OR13G1: variants seen among roughly 807,000 people sequenced by gnomAD.
OR13G1 encodes olfactory receptor 13G1.
For synonymous variants in OR13G1, 128 were observed against 136.2 expected, an observed-to-expected ratio of 0.94 and a Z score of 0.42; for missense variants, 369 against 385.7, an observed-to-expected ratio of 0.96 and a Z score of 0.36.
rs188963813 is a variant in OR13G1, at chr1:247,676,715, A to T, written c.-239+2925T>A. Reference sequence around the variant, plus strand: ...ATTTGGTCTTGGATAAAATAATGAAAATACTAACCAAAAACATGAGTGTGA... The same window carrying T: ...ATTTGGTCTTGGATAAAATAATGAATATACTAACCAAAAACATGAGTGTGA... On this transcript the variant is annotated intron_variant, in intron 1 of 1. Transcript: ENST00000642119. 2.1e-3 allele frequency among the ~76,000 whole-genome samples: 316 copies of T among 152,326 alleles called. 1 individual carries two copies. The highest frequency in any genetic ancestry group is 4.6e-3 in the South Asian group (22 of 4,828).
intron 1 of OR13G1, among the ~76,000 whole-genome samples, chr1:247,673,504 A>C (rs1659252043): frequency 6.6e-6 from 1 of 152,110 alleles, no homozygotes; most frequent in African/African-American, 2.4e-5. Context: ...TGTCCTTGAG[A>C]TATACACGAG....
In OR13G1 at chr1:247,672,169, A is replaced by T; in HGVS notation, c.873T>A (p.Asn291Lys). ...TLNPMVYSFQ[N>K]REMQAGIRKV... is the part of the protein sequence containing the mutation. ...TCCTAATTCCTGCCTGCATCTCCCT[A>T]TTCTGGAAGCTGTACACCATCGGGT... The change falls in exon 2 of 2, where the codon AAT becomes AAA. Residue 291 changes from asparagine (N) to lysine (K), a missense_variant. Coordinates refer to ENST00000642119, the MANE Select transcript of OR13G1 (RefSeq NM_001005487.2). 1 of 1,614,034 alleles carries T rather than the reference A, an allele frequency of 6.2e-7. No individual in the cohort carries two copies. The highest frequency in any genetic ancestry group is 8.5e-7 in the Non-Finnish European group (1 of 1,179,960).
At chr1:247,675,389 G>A (rs1659325064) in intron 1 of OR13G1, among the ~76,000 whole-genome samples, 1 of 151,964 alleles carries the variant, frequency 6.6e-6, no homozygotes, top group Non-Finnish European at 1.5e-5. Context: ...AGTACACAAG[G>A]GCAAGTTTCA....
At chr1:247,674,882 C>T (rs1190012735) in intron 1 of OR13G1, among the ~76,000 whole-genome samples, 1 of 151,976 alleles carries the variant, frequency 6.6e-6, no homozygotes. Context: ...CAAGTGTACA[C>T]AAAAACTAAG....
intron 1 of OR13G1, among the ~76,000 whole-genome samples, chr1:247,673,596 T>C (rs2103155797): frequency 6.6e-6 from 1 of 152,172 alleles, no homozygotes; most frequent in East Asian, 1.9e-4. Context: ...ACCTAGTATT[T>C]TGAGGCTGTA....
rs750864066 is a variant in OR13G1 at position 247,672,118 on chromosome 1, C to T, written c.924G>A (p.Ter308=). The change falls in exon 2 of 2, where the codon TAG becomes TAA. Residue 308 remains the stop codon, a stop_retained_variant. Coordinates refer to ENST00000642119, the MANE Select transcript of OR13G1 (RefSeq NM_001005487.2). ...GAAGTGATGTTGCATGTTGAAACTACTAGTGTTTCAGAAATGCAAACACCT... is the reference window on the plus strand; with the variant it reads ...GAAGTGATGTTGCATGTTGAAACTATTAGTGTTTCAGAAATGCAAACACCT... ...IRKVFAFLKH[*] is the part of the protein sequence containing the mutation. The T allele has an allele frequency of 2.5e-6, 4 of 1,608,638 alleles. No individual in the cohort carries two copies. The highest frequency in any genetic ancestry group is 1.3e-5 in the African/African-American group (1 of 74,844).
chr1:247,675,249 G>GTT (rs113641946), intron 1 of OR13G1, among the ~76,000 whole-genome samples: 7 of 144,140 alleles, frequency 4.9e-5, no homozygotes, highest in African/African-American at 1.5e-4. Context: ...AAAAAGCTTT[G>GTT]TTTTTTTTTT....
intron 1 of OR13G1, among the ~76,000 whole-genome samples, chr1:247,677,785 T>C (rs1422240811): frequency 6.6e-6 from 1 of 152,148 alleles, no homozygotes; most frequent in African/African-American, 2.4e-5. Context: ...CACCATGCTA[T>C]TTTGCTGAAT....
Position 247,673,199 on chromosome 1 carries a change from A to C in OR13G1, c.-158T>G, listed in dbSNP as rs894278975. ...TGCAGCAGGAATTCCCATTTGATGG[A>C]GTTCTGTATTCCAGGCAATATACTC... On this transcript the variant is annotated 5_prime_UTR_variant, in exon 2 of 2. Transcript: ENST00000642119. 4.9e-6 allele frequency: 3 copies of C among 609,162 alleles called. No individual in the cohort carries two copies. The highest frequency in any genetic ancestry group is 2.9e-6 in the Non-Finnish European group (1 of 348,000). The allele number at this position is 609,162 out of a possible 1,614,324, so 37.7% of individuals were successfully genotyped here.
chr1:247,673,591 G>C (rs1419938308), intron 1 of OR13G1, among the ~76,000 whole-genome samples: 1 of 152,026 alleles, frequency 6.6e-6, no homozygotes, highest in Admixed American at 6.6e-5. Context: ...GCCCAACCTA[G>C]TATTTTGAGG....
At position 247,672,153 on chromosome 1, in the gene OR13G1, C is replaced by T. The variant is rs753675664; in HGVS notation, c.889G>A (p.Gly297Arg). 1 of 1,613,704 alleles carries T rather than the reference C, an allele frequency of 6.2e-7. No individual in the cohort carries two copies. The highest frequency in any genetic ancestry group is 8.5e-7 in the Non-Finnish European group (1 of 1,179,884). The stretch of plus-strand genomic sequence containing the variant: ...AGAAATGCAAACACCTTCCTAATTC[C>T]TGCCTGCATCTCCCTATTCTGGAAG... ...YSFQNREMQA[G>R]IRKVFAFLKH Residue 297 changes from glycine (G) to arginine (R), a missense_variant, in exon 2 of 2, where the codon GGA becomes AGA. Physicochemically the swap from Gly to Arg is moderately radical, Grantham distance 125. Transcript: ENST00000642119.
rs1659192114 is a variant in OR13G1 at position 247,671,072 on chromosome 1, A to G, written c.*1046T>C. 1.3e-5 allele frequency: 2 copies of G among 152,174 alleles called. No homozygotes were observed. The highest frequency in any genetic ancestry group is 2.9e-5 in the Non-Finnish European group (2 of 68,024). The allele number at this position is 152,174 out of a possible 1,614,324, so 9.4% of individuals were successfully genotyped here. On this transcript the variant is annotated 3_prime_UTR_variant, in exon 2 of 2. Coordinates refer to ENST00000642119, the MANE Select transcript of OR13G1 (RefSeq NM_001005487.2). ...ATGATACATTTGCTAGTAGATACTC[A>G]TAGCAACTGCCATAGTATAGACACC...
chr1:247,679,129 G>A (rs1291884813), intron 1 of OR13G1, among the ~76,000 whole-genome samples: 4 of 151,890 alleles, frequency 2.6e-5, no homozygotes, highest in Non-Finnish European at 4.4e-5. Context: ...ATGAGTAAAT[G>A]AAACCCTTGT....
At position 247,675,439 on chromosome 1, in the gene OR13G1, C is replaced by A. The variant is rs563312675; in HGVS notation, c.-238-2160G>T. On this transcript the variant is annotated intron_variant, in intron 1 of 1. Transcript: ENST00000642119. The stretch of plus-strand genomic sequence containing the variant: ...TTCACAGGAGATGGAAAAGTGCACC[C>A]CTGTTCCACCATCTCTAAGTTAAGA... Among the ~76,000 whole-genome samples, 142 of 152,256 alleles carry A rather than the reference C, an allele frequency of 9.3e-4. 1 individual carries two copies. The highest frequency in any genetic ancestry group is 3.2e-3 in the African/African-American group (135 of 41,550).
At chr1:247,679,333 ACTGT>A (rs1659415112) in intron 1 of OR13G1, among the ~76,000 whole-genome samples, 1 of 152,184 alleles carries the variant, frequency 6.6e-6, no homozygotes, top group Non-Finnish European at 1.5e-5. Context: ...AATTTAGTTG[ACTGT>A]CTTTTAAACT....
rs1408278290 is a variant in OR13G1 at position 247,673,088 on chromosome 1, G to T, written c.-47C>A. 1 of 1,380,792 alleles carries T rather than the reference G, an allele frequency of 7.2e-7. No individual in the cohort carries two copies. Among genetic ancestry groups the T allele is most frequent in the South Asian group, 1.3e-5 (1 of 75,112 alleles). 85.5% of individuals were successfully genotyped at this position (1,380,792 alleles called of 1,614,324 possible). A position where few individuals can be genotyped will look rare whatever the true frequency, so the allele number is the denominator to read the frequency against. On this transcript the variant is annotated 5_prime_UTR_variant, in exon 2 of 2. Transcript: ENST00000642119. ...CAGTAATTGCACAGAATAAACAACT[G>T]AAAATGGAAAGAATCCCTGTGTTGT...
At chr1:247,674,348 A>G (rs1251621370) in intron 1 of OR13G1, among the ~76,000 whole-genome samples, 1 of 152,172 alleles carries the variant, frequency 6.6e-6, no homozygotes, top group African/African-American at 2.4e-5. Flanking sequence ...GTTTTCAGAG[A>G]TCATATTGTA....
At chr1:247,673,775 T>C (rs1274756268) in intron 1 of OR13G1, among the ~76,000 whole-genome samples, 1 of 152,198 alleles carries the variant, frequency 6.6e-6, no homozygotes, top group Non-Finnish European at 1.5e-5. Flanking sequence ...TTTAAAAATA[T>C]AAAATGTAGG....
intron 1 of OR13G1, among the ~76,000 whole-genome samples, chr1:247,675,656 G>C (rs890752884): frequency 6.6e-6 from 1 of 152,098 alleles, no homozygotes; most frequent in Non-Finnish European, 1.5e-5. Context: ...TGAGGAGAGG[G>C]TATCTACTGA....
Sources: gnomAD v4.1 joint callset for allele counts (sites outside exome capture counted in the v4.1 genomes callset) on GRCh38, gnomAD v4.1.1 for gene constraint, MANE v1.5 for transcripts, NCBI Gene and HGNC (gene_info 2026-07-23, HGNC 2026-07-21) for gene names.